The following ST6GALNAC3 variants were observed in gnomAD, a reference collection of about 807,000 sequenced individuals.
The protein encoded by ST6GALNAC3 is alpha-N-acetylgalactosaminide alpha-2,6-sialyltransferase 3.
Under a neutral mutation model 32.7 loss-of-function variants are expected in ST6GALNAC3, and 25 were observed. The ratio of observed to expected loss-of-function variants is 0.76; its 90% confidence interval spans 0.56 to 1.07. The LOEUF (loss-of-function observed/expected upper bound fraction) is 1.07. ST6GALNAC3 is among the 50% of genes least tolerant of loss of function. ST6GALNAC3 has a pLI of 0.00. For synonymous variants in ST6GALNAC3, 129 were observed against 133.1 expected, an observed-to-expected ratio of 0.97 and a Z score of 0.21; for missense variants, 355 against 382.4, an observed-to-expected ratio of 0.93 and a Z score of 0.60.
At chr1:76,134,923 A>T (rs1038274281) in intron 1 of ST6GALNAC3, among the ~76,000 whole-genome samples, 2 of 152,206 alleles carry the variant, frequency 1.3e-5, no homozygotes, top group Non-Finnish European at 2.9e-5. Context: ...CAGGCAGATC[A>T]CCTGAGGTCA....
At chr1:76,307,434 T>C (rs563212721) in intron 1 of ST6GALNAC3, among the ~76,000 whole-genome samples, 1 of 152,270 alleles carries the variant, frequency 6.6e-6, no homozygotes, top group African/African-American at 2.4e-5. Context: ...CTATAACATA[T>C]TGATGAGACA....
chr1:76,271,172 G>A (rs1452841190), intron 1 of ST6GALNAC3, among the ~76,000 whole-genome samples: 2 of 152,116 alleles, frequency 1.3e-5, no homozygotes, highest in African/African-American at 4.8e-5. Flanking sequence ...CTGCCTTTAT[G>A]CTTATTACAT....
At chr1:76,498,453 T>G (rs980285305) in intron 3 of ST6GALNAC3, among the ~76,000 whole-genome samples, 9 of 152,148 alleles carry the variant, frequency 5.9e-5, no homozygotes, top group African/African-American at 2.2e-4. Flanking sequence ...CCTGATGGCT[T>G]ATGGTGACTG....
At chr1:76,393,099 G>GTCT (rs1652690406) in intron 2 of ST6GALNAC3, among the ~76,000 whole-genome samples, 1 of 152,140 alleles carries the variant, frequency 6.6e-6, no homozygotes, top group Non-Finnish European at 1.5e-5. Context: ...TTTTAGAACA[G>GTCT]TCTTCCTAAC....
intron 3 of ST6GALNAC3, among the ~76,000 whole-genome samples, chr1:76,544,079 T>TTATA (rs3086266): frequency 2.5e-4 from 37 of 145,514 alleles, no homozygotes; most frequent in African/African-American, 7.9e-4. Context: ...TTAATTACAT[T>TTATA]TATATATATA....
At chr1:76,611,400 T>G (rs1011587556) in intron 3 of ST6GALNAC3, among the ~76,000 whole-genome samples, 4 of 152,144 alleles carry the variant, frequency 2.6e-5, no homozygotes, top group Non-Finnish European at 4.4e-5. Flanking sequence ...GTGTTTCTTT[T>G]GAGACAAAAA....
intron 1 of ST6GALNAC3, among the ~76,000 whole-genome samples, chr1:76,282,214 T>C (rs1296413970): frequency 6.6e-6 from 1 of 151,918 alleles, no homozygotes; most frequent in East Asian, 1.9e-4. Context: ...ACTGGTTATA[T>C]TAAGCTTTTG....
chr1:76,134,562 C>G (rs1400452550), intron 1 of ST6GALNAC3, among the ~76,000 whole-genome samples: 1 of 152,148 alleles, frequency 6.6e-6, no homozygotes, highest in Non-Finnish European at 1.5e-5. Flanking sequence ...CTTTTTCCTG[C>G]TCAGTTTTCA....
intron 1 of ST6GALNAC3, among the ~76,000 whole-genome samples, chr1:76,192,544 C>G (rs1653958606): frequency 6.6e-6 from 1 of 152,192 alleles, no homozygotes; most frequent in South Asian, 2.1e-4. Flanking sequence ...TCGATTGTCT[C>G]TGCCTACAGG....
rs1254934184 is a variant in ST6GALNAC3 at position 76,509,871 on chromosome 1, T to C, written c.623+97454T>C. Among the ~76,000 whole-genome samples the C allele has an allele frequency of 2.0e-5, 3 of 152,196 alleles. No homozygotes were observed. Among genetic ancestry groups the C allele is most frequent in the East Asian group, 3.9e-4 (2 of 5,188 alleles). ...ATTGGGCCAGAATAATCCTTCAAAT[T>C]CAAGATCCTTAATTTAATTGCACCT... is the stretch of plus-strand genomic sequence containing the variant. On this transcript the variant is annotated intron_variant, in intron 3 of 4. Transcript: ENST00000328299. The surrounding 1 kb of genome is among the most constrained non-coding windows in gnomAD (Gnocchi z 5.5).
chr1:76,405,338 T>C (rs568199323), intron 2 of ST6GALNAC3, among the ~76,000 whole-genome samples: 11 of 152,240 alleles, frequency 7.2e-5, no homozygotes, highest in Admixed American at 1.3e-4. Flanking sequence ...TTCACAAATT[T>C]TAATTATTTA....
At chr1:76,134,752 A>T (rs1649830455) in intron 1 of ST6GALNAC3, among the ~76,000 whole-genome samples, 1 of 152,188 alleles carries the variant, frequency 6.6e-6, no homozygotes, top group African/African-American at 2.4e-5. Flanking sequence ...TGTCTGTGTC[A>T]TGAAAAGCAC....
At chr1:76,304,497 T>C (rs1432559375) in intron 1 of ST6GALNAC3, among the ~76,000 whole-genome samples, 1 of 151,204 alleles carries the variant, frequency 6.6e-6, no homozygotes, top group Admixed American at 6.6e-5. Context: ...ATGAGGATGG[T>C]AGAATACAGC....
chr1:76,341,241 T>C (rs1022197624), intron 2 of ST6GALNAC3, among the ~76,000 whole-genome samples: 3 of 152,014 alleles, frequency 2.0e-5, no homozygotes, highest in African/African-American at 7.2e-5. Flanking sequence ...CAGTGTCTAA[T>C]GTCCCCATCT....
chr1:76,415,663 A>G (rs1417567208), intron 3 of ST6GALNAC3, among the ~76,000 whole-genome samples: 1 of 151,972 alleles, frequency 6.6e-6, no homozygotes. Flanking sequence ...TCCTGGTATT[A>G]TGGAATGTTT....
chr1:76,240,019 G>A (rs372100948), intron 1 of ST6GALNAC3, among the ~76,000 whole-genome samples: 2 of 152,114 alleles, frequency 1.3e-5, no homozygotes, highest in South Asian at 4.2e-4. Flanking sequence ...AATTAATTCT[G>A]GAAAAGGAGT....
At chr1:76,178,347 A>G (rs1557675641) in intron 1 of ST6GALNAC3, among the ~76,000 whole-genome samples, 1 of 152,356 alleles carries the variant, frequency 6.6e-6, no homozygotes, top group East Asian at 1.9e-4. Flanking sequence ...GTATTCTGCC[A>G]TTGATTCCTG....
chr1:76,115,951 T>C (rs193036029), intron 1 of ST6GALNAC3, among the ~76,000 whole-genome samples: 1 of 152,342 alleles, frequency 6.6e-6, no homozygotes, highest in Non-Finnish European at 1.5e-5. Context: ...GGCACTGTAC[T>C]AGGTACTATG....
At chr1:76,532,317 A>G (rs1368987676) in intron 3 of ST6GALNAC3, among the ~76,000 whole-genome samples, 2 of 152,194 alleles carry the variant, frequency 1.3e-5, no homozygotes, top group African/African-American at 4.8e-5. Context: ...CCATGTGGTG[A>G]TTATGACAAG....
Sources: allele counts gnomAD v4.1 joint callset (sites outside exome capture counted in the v4.1 genomes callset), GRCh38; gene constraint gnomAD v4.1.1; non-coding constraint Gnocchi (gnomAD v3.1); transcripts MANE v1.5; gene names NCBI Gene and HGNC (gene_info 2026-07-23, HGNC 2026-07-21).